DMD: variants seen among roughly 807,000 people sequenced by gnomAD.
DMD encodes dystrophin, also known as mutant dystrophin.
In DMD, 63 loss-of-function variants were observed where a neutral mutation model predicts 330.1. The ratio of observed to expected loss-of-function variants is 0.19; its 90% CI spans 0.16 to 0.24. The LOEUF is 0.24. DMD is among the 10% of genes least tolerant of loss of function. DMD has a pLI of 1.00. For missense variants in DMD, 3,344 were observed against 2,684.1 expected (o/e 1.25, Z -5.43); for synonymous variants, 1,223 against 959.8 (o/e 1.27, Z -5.07).
intron 27 of DMD, among the ~76,000 whole-genome samples, chrX:32,442,906 C>G (rs2098287836): frequency 9.0e-6 from 1 of 110,645 alleles, no homozygotes; most frequent in African/African-American, 3.3e-5. Context: ...TATAGTTTAC[C>G]ATTACTGTAA....
In DMD at chrX:32,856,992, G is replaced by A. The variant is rs576496768; in HGVS notation, c.94-7172C>T. 2.3e-3 allele frequency among the ~76,000 whole-genome samples: 255 copies of A among 109,577 alleles called. 2 individuals carry two copies. Among genetic ancestry groups the A allele is most frequent in the African/African-American group, 7.8e-3 (234 of 30,021 alleles). On this transcript the variant is annotated intron_variant, in intron 2 of 78. Coordinates refer to ENST00000357033, the MANE Select transcript of DMD (RefSeq NM_004006.3). Reference sequence around the variant, plus strand: ...TGGGAGGCTGAGGCAGGAGAACGGCGTGAACCCGGGAGGCGGAGCTTGCAA... The same window carrying A: ...TGGGAGGCTGAGGCAGGAGAACGGCATGAACCCGGGAGGCGGAGCTTGCAA...
intron 7 of DMD, among the ~76,000 whole-genome samples, chrX:32,794,008 T>C (rs1470545850): frequency 9.0e-6 from 1 of 110,926 alleles, no homozygotes; most frequent in Admixed American, 9.6e-5. Context: ...AGCAATCCAA[T>C]AGAACATAAA....
intron 59 of DMD, among the ~76,000 whole-genome samples, chrX:31,465,638 C>T (rs758793182): frequency 3.6e-4 from 40 of 111,979 alleles, no homozygotes; most frequent in South Asian, 7.5e-4. Flanking sequence ...CAAGTCTTTG[C>T]TATTGTGAAC....
chrX:32,190,949 G>A (rs866445611), intron 44 of DMD, among the ~76,000 whole-genome samples: 23 of 109,573 alleles, frequency 2.1e-4, no homozygotes, highest in Middle Eastern at 4.7e-3. Flanking sequence ...CTCTTGTTGG[G>A]AAATAAGACT....
At chrX:31,752,104 T>C (rs1015913705) in intron 51 of DMD, among the ~76,000 whole-genome samples, 6 of 111,814 alleles carry the variant, frequency 5.4e-5, no homozygotes, top group African/African-American at 1.3e-4. Flanking sequence ...TGTGATTACA[T>C]TGGGCGCACT....
chrX:31,626,701 A>C (rs933064792), intron 55 of DMD, among the ~76,000 whole-genome samples: 5 of 111,788 alleles, frequency 4.5e-5, no homozygotes, highest in African/African-American at 1.6e-4. Context: ...GAACGATAGG[A>C]GGGAGAGGAG....
chrX:32,651,974 T>A lies in DMD; in HGVS notation c.961-6822A>T, dbSNP rs189898212. ...ATGTTAAATGTCAGCAAATTTAACA[T>A]TCTTCACTATTGCAGAACCACTCAC... is the stretch of plus-strand genomic sequence containing the variant. On this transcript the variant is annotated intron_variant, in intron 9 of 78. Coordinates refer to ENST00000357033, the MANE Select transcript of DMD (RefSeq NM_004006.3). Among the ~76,000 whole-genome samples, 362 of 111,544 alleles carry A rather than the reference T, an allele frequency of 3.2e-3. 2 individuals carry two copies. Among genetic ancestry groups the A allele is most frequent in the African/African-American group, 0.011 (342 of 30,690 alleles).
intron 44 of DMD, among the ~76,000 whole-genome samples, chrX:32,165,792 A>C (rs1246871524): frequency 1.8e-5 from 2 of 111,220 alleles, no homozygotes; most frequent in African/African-American, 6.6e-5. Flanking sequence ...GTGTCAAAGG[A>C]GAGGCTATGT....
intron 41 of DMD, among the ~76,000 whole-genome samples, chrX:32,337,286 A>T (rs759042169): frequency 2.7e-5 from 3 of 109,991 alleles, no homozygotes; most frequent in South Asian, 7.8e-4. Context: ...ACATCTGGAG[A>T]TGTTGGTAGA....
At chrX:32,658,949 T>C (rs1231329781) in intron 9 of DMD, among the ~76,000 whole-genome samples, 1 of 111,897 alleles carries the variant, frequency 8.9e-6, no homozygotes, top group Non-Finnish European at 1.9e-5. Context: ...AAAATAGATA[T>C]GATACTAATT....
intron 64 of DMD, among the ~76,000 whole-genome samples, chrX:31,221,781 C>T (rs759543197): frequency 6.2e-5 from 7 of 112,839 alleles, no homozygotes; most frequent in African/African-American, 1.3e-4. Flanking sequence ...TTGGGCCGGG[C>T]GCATTGGCTC....
chrX:31,954,646 AAAT>A (rs1393302282), intron 45 of DMD, among the ~76,000 whole-genome samples: 2 of 110,943 alleles, frequency 1.8e-5, no homozygotes, highest in South Asian at 3.8e-4. Flanking sequence ...ACAGAAAGAC[AAAT>A]ATTATGTGTT....
At chrX:31,517,205 G>A (rs574766738) in intron 55 of DMD, among the ~76,000 whole-genome samples, 1 of 111,526 alleles carries the variant, frequency 9.0e-6, no homozygotes, top group East Asian at 2.8e-4. Context: ...ACCTTTTAAG[G>A]TTTTGGCAAA....
rs1397542608 is a variant in DMD, at chrX:32,346,192, C to T, written c.5449-112G>A. ...ACACACACAAAAATCCAATTTAAAA[C>T]TTTCATGGAATGCTATTATAAGATA... is the stretch of plus-strand genomic sequence containing the variant. On this transcript the variant is annotated intron_variant, in intron 38 of 78. Transcript: ENST00000357033. 6.0e-6 allele frequency: 5 copies of T among 840,190 alleles called. No individual in the cohort carries two copies. In the African/African-American group the frequency reaches 1.0e-4, roughly 17 times the overall value. 69.2% of individuals were successfully genotyped at this position (840,190 alleles called of 1,213,427 possible).
intron 63 of DMD, 132 bp from the exon 64 acceptor site, chrX:31,223,253 C>T (rs1191876602): frequency 1.8e-5 from 10 of 565,958 alleles, no homozygotes; most frequent in South Asian, 5.2e-5. Context: ...AGTGTGTATA[C>T]GCCAAGCTTT....
intron 44 of DMD, among the ~76,000 whole-genome samples, chrX:32,158,616 T>G (rs1399061197): frequency 2.7e-5 from 3 of 111,075 alleles, no homozygotes; most frequent in African/African-American, 9.8e-5. Flanking sequence ...CCATTTTTAT[T>G]TGGTGCATGT....
chrX:32,935,103 C>G (rs771681933), intron 2 of DMD, among the ~76,000 whole-genome samples: 3 of 112,221 alleles, frequency 2.7e-5, no homozygotes, highest in Non-Finnish European at 5.6e-5. Flanking sequence ...CTCAGCCTCC[C>G]GAGTAGCTGG....
In DMD at chrX:33,264,165, C is replaced by A. The variant is rs777075407; in HGVS notation, c.7+75094G>T. Among the ~76,000 whole-genome samples the A allele has an allele frequency of 5.4e-5, 6 of 111,372 alleles. No individual in the cohort carries two copies. The South Asian group carries it at 2.2e-3, about 42-fold the overall frequency. ...CTAGGATAAATTGCACAAATATACA[C>A]GCCTTTTCTAAAATAAATGCACTGT... On this transcript the variant is annotated intron_variant, in intron 1 of 17. Transcript: ENST00000288447.
chrX:33,276,160 T>G (rs968673785), intron 1 of DMD, among the ~76,000 whole-genome samples: 3 of 111,811 alleles, frequency 2.7e-5, no homozygotes, highest in Admixed American at 9.5e-5. Flanking sequence ...AATGGACCAC[T>G]GCTAGTTAAG....
Sources: allele counts gnomAD v4.1 joint callset (sites outside exome capture counted in the v4.1 genomes callset), GRCh38; gene constraint gnomAD v4.1.1; transcripts MANE v1.5; gene names NCBI Gene and HGNC (gene_info 2026-07-23, HGNC 2026-07-21).